The following TBL1XR1 variants were observed in gnomAD, a reference collection of about 807,000 sequenced individuals.
TBL1XR1 encodes the protein F-box-like/WD repeat-containing protein TBL1XR1.
Under a neutral mutation model 66.9 loss-of-function variants are expected in TBL1XR1, and 5 were observed. The ratio of observed to expected loss-of-function variants is 0.07; its 90% CI spans 0.04 to 0.16. The LOEUF (loss-of-function observed/expected upper bound fraction) is 0.16. Among genes scored for constraint, TBL1XR1 ranks in the 10% least tolerant of loss-of-function variants. TBL1XR1 has a pLI of 1.00. For missense variants in TBL1XR1, 238 were observed against 623.2 expected (o/e 0.38, Z 6.58); for synonymous variants, 210 against 206.0 (o/e 1.02, Z -0.17).
chr3:177,051,542 G>C lies in TBL1XR1; in HGVS notation c.389C>G (p.Thr130Arg), dbSNP rs2108496387. The stretch of plus-strand genomic sequence containing the variant: ...TGCTCCATTCTCCTCCCCATTTGCT[G>C]TGTTTTCTCCATTTTTTGCAGATCC... ...QQGSAKNGEN[T>R]ANGEENGAHT... Residue 130 changes from threonine (T) to arginine (R), a missense_variant, in exon 5 of 16, where the codon ACA becomes AGA. By Grantham distance (71) the Thr-to-Arg change is moderately conservative. Coordinates refer to ENST00000457928, the MANE Select transcript of TBL1XR1 (RefSeq NM_024665.7). The C allele has an allele frequency of 2.5e-6, 4 of 1,613,556 alleles. No homozygotes were observed. Among genetic ancestry groups the C allele is most frequent in the Non-Finnish European group, 3.4e-6 (4 of 1,179,718 alleles).
chr3:177,129,606 T>C (rs1560207840), intron 1 of TBL1XR1, among the ~76,000 whole-genome samples: 1 of 152,186 alleles, frequency 6.6e-6, no homozygotes, highest in South Asian at 2.1e-4. Flanking sequence ...ATGACTGGTA[T>C]AGTGGTTACA....
chr3:177,158,702 T>C (rs1278709472), intron 1 of TBL1XR1, among the ~76,000 whole-genome samples: 1 of 152,122 alleles, frequency 6.6e-6, no homozygotes, highest in African/African-American at 2.4e-5. Flanking sequence ...CAGACCTGCA[T>C]ATAGATATGA....
At chr3:177,135,611 T>TG (rs546430398) in intron 1 of TBL1XR1, among the ~76,000 whole-genome samples, 182 of 147,138 alleles carry the variant, frequency 1.2e-3, no homozygotes, top group African/African-American at 4.4e-3. Context: ...CTCGATCTCC[T>TG]GACCTCGTGA....
chr3:177,180,773 G>A (rs533553719), intron 1 of TBL1XR1, among the ~76,000 whole-genome samples: 1 of 150,860 alleles, frequency 6.6e-6, no homozygotes, highest in African/African-American at 2.4e-5. Context: ...ATTTGCTCTT[G>A]TCACCCAGGC....
chr3:177,074,198 C>A (rs577699799), intron 2 of TBL1XR1, among the ~76,000 whole-genome samples: 1 of 151,992 alleles, frequency 6.6e-6, no homozygotes, highest in African/African-American at 2.4e-5. Flanking sequence ...CTTGAGGATA[C>A]GTAAGAAAGA....
At chr3:177,195,518 A>G (rs1736733679) in intron 1 of TBL1XR1, 1 of 152,038 alleles carries the variant, frequency 6.6e-6, no homozygotes, top group Admixed American at 6.6e-5. Context: ...TCTTATTTTA[A>G]CAAAAATGAA....
At chr3:177,173,611 AGAGGAGACT>A (rs1560262135) in intron 1 of TBL1XR1, among the ~76,000 whole-genome samples, 1 of 152,228 alleles carries the variant, frequency 6.6e-6, no homozygotes, top group Non-Finnish European at 1.5e-5. Flanking sequence ...GTCACAGGTC[AGAGGAGACT>A]AAGGAGAAAA....
chr3:177,128,492 G>A (rs1727912532), intron 1 of TBL1XR1, among the ~76,000 whole-genome samples: 1 of 152,094 alleles, frequency 6.6e-6, no homozygotes, highest in South Asian at 2.1e-4. Context: ...TCTCACCTCA[G>A]TCCCCCAAGT....
chr3:177,099,886 T>C (rs1221006410), intron 1 of TBL1XR1, among the ~76,000 whole-genome samples: 1 of 152,284 alleles, frequency 6.6e-6, no homozygotes, highest in Admixed American at 6.5e-5. Context: ...CTTTTTGGCA[T>C]ACATGCATTC....
intron 2 of TBL1XR1, among the ~76,000 whole-genome samples, chr3:177,067,728 G>A (rs1042803780): frequency 6.6e-6 from 1 of 151,966 alleles, no homozygotes; most frequent in Non-Finnish European, 1.5e-5. Flanking sequence ...AAAAGACCTT[G>A]AAAGGCTTAC....
At chr3:177,174,412 A>AAC (rs1397609914) in intron 1 of TBL1XR1, among the ~76,000 whole-genome samples, 1 of 145,266 alleles carries the variant, frequency 6.9e-6, no homozygotes, top group Non-Finnish European at 1.5e-5. Flanking sequence ...CCATCTCAAA[A>AAC]AAAAAAAAAA....
chr3:177,077,654 G>C (rs892143690), intron 2 of TBL1XR1, among the ~76,000 whole-genome samples: 1 of 152,144 alleles, frequency 6.6e-6, no homozygotes, highest in African/African-American at 2.4e-5. Context: ...CTCTTCAAGT[G>C]AGTATGCTGG....
intron 1 of TBL1XR1, among the ~76,000 whole-genome samples, chr3:177,115,745 G>T (rs1205553428): frequency 6.6e-6 from 1 of 152,192 alleles, no homozygotes; most frequent in Non-Finnish European, 1.5e-5. Context: ...GAAGCAAGAA[G>T]TAGTAATGGG....
chr3:177,126,832 C>T (rs926733535), intron 1 of TBL1XR1, among the ~76,000 whole-genome samples: 1 of 148,542 alleles, frequency 6.7e-6, no homozygotes, highest in Non-Finnish European at 1.5e-5. Context: ...AAAAAAAGGG[C>T]ACAAGTCAAG....
chr3:177,143,365 C>CA (rs2108826582), intron 1 of TBL1XR1, among the ~76,000 whole-genome samples: 1 of 151,264 alleles, frequency 6.6e-6, no homozygotes, highest in African/African-American at 2.4e-5. Context: ...TGACAAAAAT[C>CA]AACTGTATCT....
chr3:177,095,230 A>G (rs1020716691), intron 2 of TBL1XR1, among the ~76,000 whole-genome samples: 3 of 151,754 alleles, frequency 2.0e-5, no homozygotes, highest in Non-Finnish European at 4.4e-5. Flanking sequence ...GGTGTTGGGA[A>G]CTCGCAGGCG....
chr3:177,025,451 G>C lies in TBL1XR1; in HGVS notation c.*47C>G, dbSNP rs1490087638. On this transcript the variant is annotated 3_prime_UTR_variant, in exon 16 of 16. Coordinates refer to ENST00000457928, the MANE Select transcript of TBL1XR1 (RefSeq NM_024665.7). ...TACATGGGTCAGGGACAGTCATTTTGGCTATGTACACATTCATAGTCGGTC... is the reference window on the plus strand; with the variant it reads ...TACATGGGTCAGGGACAGTCATTTTCGCTATGTACACATTCATAGTCGGTC... 2 of 1,605,226 alleles carry C rather than the reference G, an allele frequency of 1.2e-6. No individual in the cohort carries two copies. Among genetic ancestry groups the C allele is most frequent in the Non-Finnish European group, 1.7e-6 (2 of 1,173,944 alleles).
intron 1 of TBL1XR1, among the ~76,000 whole-genome samples, chr3:177,192,764 G>A (rs1377502618): frequency 6.6e-6 from 1 of 152,182 alleles, no homozygotes; most frequent in Non-Finnish European, 1.5e-5. Context: ...AGGATGCTTA[G>A]AATGTCAACC....
rs1445066059 is a variant in TBL1XR1 at position 177,112,090 on chromosome 3, TATATATATATATATATA to T, written c.-121-13566_-121-13550del. Reference sequence around the variant, plus strand: ...ATAAAATCAAATATATATATATATATATATATATATATATATATTTTTTTTTTTTTTTTTTGTGAGGG... The same window carrying T: ...ATAAAATCAAATATATATATATATATTTTTTTTTTTTTTTTTTTGTGAGGG... On this transcript the variant is annotated intron_variant, in intron 1 of 15. Transcript: ENST00000457928. Among the ~76,000 whole-genome samples, 8 of 52,386 alleles carry T rather than the reference TATATATATATATATATA, an allele frequency of 1.5e-4. 1 individual carries two copies. The highest frequency in any genetic ancestry group is 5.7e-4 in the South Asian group (1 of 1,762). The allele number at this position is 52,386 out of a possible 152,430, so 34.4% of individuals were successfully genotyped here.
Sources: allele counts gnomAD v4.1 joint callset (sites outside exome capture counted in the v4.1 genomes callset), GRCh38; gene constraint gnomAD v4.1.1; transcripts MANE v1.5; gene names NCBI Gene and HGNC (gene_info 2026-07-23, HGNC 2026-07-21).